Variants in PSME3IP1 observed in about 807,000 individuals in gnomAD.
PSME3IP1 encodes the protein PSME3-interacting protein.
Under a neutral mutation model 34.1 loss-of-function variants are expected in PSME3IP1, and 13 were observed. The ratio of observed to expected loss-of-function variants is 0.38; its 90% CI spans 0.25 to 0.61. The LOEUF is 0.61. Among genes scored for constraint, PSME3IP1 ranks in the 20% least tolerant of loss-of-function variants. PSME3IP1 has a pLI of 0.60. For missense variants in PSME3IP1, 237 were observed against 301.4 expected, an observed-to-expected ratio of 0.79 and a Z score of 1.58; for synonymous variants, 93 against 114.3, an observed-to-expected ratio of 0.81 and a Z score of 1.19.
rs536055262 is a variant in PSME3IP1, at chr16:57,185,874, C to G, written c.-69G>C. 3.9e-5 allele frequency: 38 copies of G among 984,930 alleles called. No individual in the cohort carries two copies. The South Asian group carries it at 1.6e-3, about 41-fold the overall frequency. The allele number at this position is 984,930 out of a possible 1,614,324, so 61.0% of individuals were successfully genotyped here. On this transcript the variant is annotated 5_prime_UTR_variant, in exon 1 of 7. Transcript: ENST00000309137. Reference sequence around the variant, plus strand: ...TCACCTCGGCGGCGCCCACCCCAAACCGCCACCGCAGAGCCGCTCGCTCTT... The same window carrying G: ...TCACCTCGGCGGCGCCCACCCCAAAGCGCCACCGCAGAGCCGCTCGCTCTT...
At chr16:57,176,317 C>A (rs1337704936) in intron 1 of PSME3IP1, among the ~76,000 whole-genome samples, 14 of 152,174 alleles carry the variant, frequency 9.2e-5, no homozygotes, top group Non-Finnish European at 1.5e-5. Context: ...CATCTGGTTT[C>A]TTTCCATCAC....
intron 5 of PSME3IP1, among the ~76,000 whole-genome samples, chr16:57,165,272 T>G (rs2071735448): frequency 6.6e-6 from 1 of 152,026 alleles, no homozygotes; most frequent in Admixed American, 6.6e-5. Flanking sequence ...AAAAAATACA[T>G]TTCTAAATAA....
Position 57,173,850 on chromosome 16 carries a change from T to C in PSME3IP1, c.5A>G (p.Asp2Gly). The C allele has an allele frequency of 1.2e-6, 2 of 1,612,832 alleles. No homozygotes were observed. The highest frequency in any genetic ancestry group is 4.5e-5 in the East Asian group (2 of 44,840). The change falls in exon 2 of 7, where the codon GAT (aspartate) becomes GGT (glycine). Residue 2 changes from aspartate (D) to glycine (G), a missense_variant. Coordinates refer to ENST00000309137, the MANE Select transcript of PSME3IP1 (RefSeq NM_024946.4). ...AATAAGGTTACCATCATCCCCTCCA[T>C]CCATAATGAAACAACCAATCTACAA... MDGGDDGNLIIK... is the reference protein window; with the variant it reads MGGGDDGNLIIK...
rs547499930 is a variant in PSME3IP1, at chr16:57,185,446, T to C, written c.-16+375A>G. On this transcript the variant is annotated intron_variant, in intron 1 of 6. Transcript: ENST00000309137. ...GCACTGCCATTCTGGGATTCAACCA[T>C]TTCCAACCAGACGCCGCACATCCGA... 34 of 932,136 alleles carry C rather than the reference T, an allele frequency of 3.6e-5. No individual in the cohort carries two copies. The South Asian group carries it at 1.5e-3, about 42-fold the overall frequency. The allele number at this position is 932,136 out of a possible 1,614,324, so 57.7% of individuals were successfully genotyped here.
At chr16:57,179,777 A>C (rs2073526424) in intron 1 of PSME3IP1, among the ~76,000 whole-genome samples, 2 of 152,232 alleles carry the variant, frequency 1.3e-5, no homozygotes, top group Admixed American at 6.5e-5. Flanking sequence ...CAAAAGCAAT[A>C]GGTCAATCCA....
At chr16:57,177,814 C>T (rs1169375828) in intron 1 of PSME3IP1, among the ~76,000 whole-genome samples, 3 of 151,964 alleles carry the variant, frequency 2.0e-5, no homozygotes, top group South Asian at 2.1e-4. Context: ...AAAGTGAGAC[C>T]CCCCATCTCT....
chr16:57,173,090 A>G (rs1397795116), intron 2 of PSME3IP1, among the ~76,000 whole-genome samples: 2 of 152,202 alleles, frequency 1.3e-5, no homozygotes, highest in South Asian at 2.1e-4. Context: ...ATCAATGTCA[A>G]TAGCGCCCAT....
chr16:57,155,826 G>A (rs1317572663), intron 6 of PSME3IP1, among the ~76,000 whole-genome samples: 3 of 151,142 alleles, frequency 2.0e-5, no homozygotes, highest in African/African-American at 7.3e-5. Context: ...AAAAAAACTA[G>A]TCGGGTATAG....
chr16:57,167,256 C>CA (rs752078676), intron 4 of PSME3IP1, 30 bp from the exon 5 acceptor site: 16 of 1,613,752 alleles, frequency 9.9e-6, no homozygotes, highest in Middle Eastern at 1.6e-4. Context: ...TCAAACTAAG[C>CA]AAAAGGGAAG....
At chr16:57,172,470 A>AT in intron 3 of PSME3IP1, 98 bp from the exon 4 acceptor site, 2 of 1,291,752 alleles carry the variant, frequency 1.5e-6, no homozygotes, top group East Asian at 2.4e-5. Context: ...TCTTCAGGGG[A>AT]TTAAAAAAAA....
At chr16:57,157,957 G>T (rs1214647333) in intron 6 of PSME3IP1, among the ~76,000 whole-genome samples, 1 of 152,196 alleles carries the variant, frequency 6.6e-6, no homozygotes. Flanking sequence ...GAGAGGGGTT[G>T]CTTGTGTGTA....
intron 1 of PSME3IP1, among the ~76,000 whole-genome samples, chr16:57,179,054 C>A (rs1353375972): frequency 6.6e-6 from 1 of 152,180 alleles, no homozygotes; most frequent in Non-Finnish European, 1.5e-5. Context: ...GGGATACGGG[C>A]TCTAACTGTG....
intron 1 of PSME3IP1, among the ~76,000 whole-genome samples, chr16:57,179,050 C>T (rs1222461839): frequency 2.6e-5 from 4 of 152,174 alleles, no homozygotes; most frequent in Admixed American, 2.0e-4. Context: ...ATCAGGGATA[C>T]GGGCTCTAAC....
intron 1 of PSME3IP1, among the ~76,000 whole-genome samples, chr16:57,177,565 A>AT (rs1411529856): frequency 1.3e-5 from 2 of 152,100 alleles, no homozygotes; most frequent in Non-Finnish European, 2.9e-5. Context: ...GTAAATGCAT[A>AT]TTTAAAAAAA....
chr16:57,157,640 A>C (rs1215738704), intron 6 of PSME3IP1, among the ~76,000 whole-genome samples: 1 of 150,832 alleles, frequency 6.6e-6, no homozygotes, highest in Non-Finnish European at 1.5e-5. Flanking sequence ...TTTTAAGAAC[A>C]TAAGGCTCAC....
At chr16:57,157,908 G>C (rs2070746574) in intron 6 of PSME3IP1, among the ~76,000 whole-genome samples, 1 of 152,178 alleles carries the variant, frequency 6.6e-6, no homozygotes, top group African/African-American at 2.4e-5. Context: ...GTAACCCCAA[G>C]AGCATCCCAG....
At chr16:57,173,452 A>C (rs1477547247) in intron 2 of PSME3IP1, among the ~76,000 whole-genome samples, 1 of 151,984 alleles carries the variant, frequency 6.6e-6, no homozygotes, top group Non-Finnish European at 1.5e-5. Flanking sequence ...CAACAGATGA[A>C]ACTCCATCTC....
At chr16:57,166,752 T>G (rs572496724) in intron 5 of PSME3IP1, among the ~76,000 whole-genome samples, 6 of 152,194 alleles carry the variant, frequency 3.9e-5, no homozygotes, top group Non-Finnish European at 7.4e-5. Flanking sequence ...CCTCTCAAAC[T>G]CTTGGTCTTC....
intron 6 of PSME3IP1, among the ~76,000 whole-genome samples, chr16:57,160,158 C>T (rs915984378): frequency 2.6e-5 from 4 of 151,908 alleles, no homozygotes; most frequent in Non-Finnish European, 5.9e-5. Context: ...GGCGCGGTGG[C>T]GGGCGCCTGT....
Sources: gnomAD v4.1 joint callset for allele counts (sites outside exome capture counted in the v4.1 genomes callset) on GRCh38, gnomAD v4.1.1 for gene constraint, MANE v1.5 for transcripts, NCBI Gene and HGNC (gene_info 2026-07-23, HGNC 2026-07-21) for gene names.